Variants in KCNIP4 observed in about 807,000 individuals in gnomAD.
The protein encoded by KCNIP4 is Kv channel-interacting protein 4.
Under a neutral mutation model 34.0 loss-of-function variants are expected in KCNIP4, and 12 were observed. The observed-to-expected ratio is 0.35, with a 90% confidence interval of 0.23 to 0.57. The LOEUF (loss-of-function observed/expected upper bound fraction) is 0.57. Among genes scored for constraint, KCNIP4 ranks in the 20% least tolerant of loss-of-function variants. The pLI is 0.83. For synonymous variants in KCNIP4, 124 were observed against 102.2 expected (o/e 1.21, Z -1.29); for missense variants, 238 against 311.7 (o/e 0.76, Z 1.78).
At chr4:21,902,161 C>T (rs1727740197) in intron 1 of KCNIP4, among the ~76,000 whole-genome samples, 1 of 152,032 alleles carries the variant, frequency 6.6e-6, no homozygotes, top group Non-Finnish European at 1.5e-5. Flanking sequence ...AAGGAATGAA[C>T]AGAAGTGATG....
intron 1 of KCNIP4, among the ~76,000 whole-genome samples, chr4:20,916,043 A>C (rs1419750963): frequency 1.3e-5 from 2 of 152,148 alleles, no homozygotes; most frequent in African/African-American, 2.4e-5. Context: ...CCCAAAATGC[A>C]TATTTTTGAG....
At chr4:21,103,501 CTT>C (rs1311488259) in intron 1 of KCNIP4, among the ~76,000 whole-genome samples, 1 of 150,538 alleles carries the variant, frequency 6.6e-6, no homozygotes, top group East Asian at 1.9e-4. Flanking sequence ...CTAATAAAAA[CTT>C]AAATCAGTGG....
intron 1 of KCNIP4, among the ~76,000 whole-genome samples, chr4:21,940,382 G>A (rs1414522961): frequency 6.6e-6 from 1 of 152,156 alleles, no homozygotes; most frequent in Non-Finnish European, 1.5e-5. Flanking sequence ...CCAACTGGAA[G>A]TAATTTTGCT....
intron 1 of KCNIP4, among the ~76,000 whole-genome samples, chr4:21,533,420 G>C (rs1736879110): frequency 1.3e-5 from 2 of 152,054 alleles, no homozygotes; most frequent in African/African-American, 4.8e-5. Context: ...GTCAAATATA[G>C]ATGACACCAA....
intron 1 of KCNIP4, among the ~76,000 whole-genome samples, chr4:21,863,530 G>A (rs1157407235): frequency 2.0e-5 from 3 of 152,054 alleles, no homozygotes; most frequent in Non-Finnish European, 4.4e-5. Flanking sequence ...GGAGGGGGAA[G>A]GTATTGCTTC....
intron 1 of KCNIP4, among the ~76,000 whole-genome samples, chr4:21,592,748 T>C (rs16871508): frequency 0.066 from 10,023 of 152,194 alleles, 477 homozygotes; most frequent in African/African-American, 0.13. Context: ...GCCTAATTGA[T>C]AATTTTTATT....
chr4:21,140,842 T>G (rs919809763), intron 1 of KCNIP4, among the ~76,000 whole-genome samples: 1 of 152,206 alleles, frequency 6.6e-6, no homozygotes, highest in African/African-American at 2.4e-5. Flanking sequence ...TGATCACCTT[T>G]AAGGTCCTCT....
chr4:21,311,696 GA>G (rs57717250), intron 1 of KCNIP4, among the ~76,000 whole-genome samples: 13,350 of 144,654 alleles, frequency 0.092, 670 homozygotes, highest in African/African-American at 0.15. Context: ...TCAAAAAAAA[GA>G]AAAAAAATGT....
chr4:20,798,887 C>T (rs530819395), intron 3 of KCNIP4, among the ~76,000 whole-genome samples: 1 of 152,296 alleles, frequency 6.6e-6, no homozygotes, highest in Admixed American at 6.5e-5. Context: ...GAGCTATATT[C>T]AGAGAAGGTG....
At chr4:21,932,511 C>T (rs920920047) in intron 1 of KCNIP4, among the ~76,000 whole-genome samples, 4 of 152,056 alleles carry the variant, frequency 2.6e-5, no homozygotes, top group African/African-American at 9.7e-5. Flanking sequence ...TAGTTCTTTG[C>T]CGCTCACTGG....
chr4:21,400,497 CCCT>C (rs1723405722), intron 1 of KCNIP4, among the ~76,000 whole-genome samples: 19 of 140,332 alleles, frequency 1.4e-4, no homozygotes, highest in South Asian at 4.7e-4. Context: ...CCTCTCCCCT[CCCT>C]TCCCCTCCCT....
chr4:21,535,045 C>G (rs747640989), intron 1 of KCNIP4, among the ~76,000 whole-genome samples: 1 of 152,222 alleles, frequency 6.6e-6, no homozygotes, highest in South Asian at 2.1e-4. Context: ...CCATTCCATT[C>G]CACTCCACTC....
At chr4:20,815,391 C>A (rs1413289663) in intron 3 of KCNIP4, among the ~76,000 whole-genome samples, 1 of 152,156 alleles carries the variant, frequency 6.6e-6, no homozygotes, top group Non-Finnish European at 1.5e-5. Context: ...TTGTCTCAGC[C>A]TTCAAGCCTA....
chr4:21,156,646 A>G (rs973996068), intron 1 of KCNIP4, among the ~76,000 whole-genome samples: 1 of 152,216 alleles, frequency 6.6e-6, no homozygotes. Flanking sequence ...ACTTGGGAAG[A>G]TCTGCCTAAG....
chr4:21,607,328 C>A (rs1438053091), intron 1 of KCNIP4, among the ~76,000 whole-genome samples: 1 of 152,084 alleles, frequency 6.6e-6, no homozygotes, highest in African/African-American at 2.4e-5. Context: ...TACAACAGCA[C>A]AAGTACTCAA....
chr4:21,131,121 C>T (rs1384035759), intron 1 of KCNIP4, among the ~76,000 whole-genome samples: 1 of 152,080 alleles, frequency 6.6e-6, no homozygotes, highest in Non-Finnish European at 1.5e-5. Flanking sequence ...TTCATAGTGG[C>T]ACATTTTTAA....
intron 1 of KCNIP4, among the ~76,000 whole-genome samples, chr4:21,941,607 G>T (rs1252999771): frequency 6.6e-5 from 10 of 151,980 alleles, no homozygotes; most frequent in Non-Finnish European, 2.9e-5. Flanking sequence ...TAACCAAAAA[G>T]TTAAAAATTG....
intron 1 of KCNIP4, among the ~76,000 whole-genome samples, chr4:21,694,210 G>C (rs116081628): frequency 1.3e-5 from 2 of 152,106 alleles, no homozygotes; most frequent in Non-Finnish European, 2.9e-5. Context: ...TAGAAGTGTC[G>C]TATTCTTGGA....
chr4:21,257,105 CT>C (rs1475780549), intron 1 of KCNIP4, among the ~76,000 whole-genome samples: 4 of 152,106 alleles, frequency 2.6e-5, no homozygotes, highest in Admixed American at 2.6e-4. Context: ...CATGTGGATG[CT>C]GAGATAAACT....
Sources: gnomAD v4.1 joint callset for allele counts (sites outside exome capture counted in the v4.1 genomes callset) on GRCh38, gnomAD v4.1.1 for gene constraint, MANE v1.5 for transcripts, NCBI Gene and HGNC (gene_info 2026-07-23, HGNC 2026-07-21) for gene names.